PTPN9: variants seen among roughly 807,000 people sequenced by gnomAD.
PTPN9 encodes tyrosine-protein phosphatase non-receptor type 9.
Under a neutral mutation model 69.8 loss-of-function variants are expected in PTPN9, and 26 were observed. The observed-to-expected ratio is 0.37, with a 90% CI of 0.27 to 0.52. The LOEUF is 0.52. Ranked by LOEUF, PTPN9 falls within the 20% of genes least tolerant of loss-of-function variation. The pLI, the probability that PTPN9 is intolerant of heterozygous loss-of-function variation, is 0.91. For synonymous variants in PTPN9, 274 were observed against 272.5 expected, an observed-to-expected ratio of 1.01 and a Z score of -0.05; for missense variants, 549 against 740.3, an observed-to-expected ratio of 0.74 and a Z score of 3.00.
At chr15:75,573,117 A>T (rs1456001037) in intron 1 of PTPN9, among the ~76,000 whole-genome samples, 1 of 152,244 alleles carries the variant, frequency 6.6e-6, no homozygotes, top group Non-Finnish European at 1.5e-5. Context: ...AAGAGGAAAC[A>T]CTGGCAGTGA....
Position 75,464,250 on chromosome 15 carries a change from GC to G in PTPN9, c.*4518del, listed in dbSNP as rs2074527900. On this transcript the variant is annotated 3_prime_UTR_variant, in exon 13 of 13. Coordinates refer to ENST00000618819, the MANE Select transcript of PTPN9 (RefSeq NM_002833.4). Reference sequence around the variant, plus strand: ...TGCTTGAGGCTGGAGTTCGAGACCAGCCTGGGCAACATAGTGAGATCCTGTC... The same window carrying G: ...TGCTTGAGGCTGGAGTTCGAGACCAGCTGGGCAACATAGTGAGATCCTGTC... 1 of 152,128 alleles carries G rather than the reference GC, an allele frequency of 6.6e-6. No individual in the cohort carries two copies. The highest frequency in any genetic ancestry group is 2.4e-5 in the African/African-American group (1 of 41,170). The allele number at this position is 152,128 out of a possible 1,614,324, so 9.4% of individuals were successfully genotyped here.
intron 1 of PTPN9, among the ~76,000 whole-genome samples, chr15:75,534,447 G>A (rs1176405565): frequency 6.6e-6 from 1 of 152,142 alleles, no homozygotes; most frequent in African/African-American, 2.4e-5. Flanking sequence ...GCCAAGGTGG[G>A]AAGACTGCTT....
intron 5 of PTPN9, 66 bp from the exon 6 acceptor site, chr15:75,509,093 G>A (rs1394110397): frequency 2.3e-6 from 3 of 1,329,892 alleles, no homozygotes; most frequent in African/African-American, 2.9e-5. Context: ...CCAAGTTTAG[G>A]TTTTCTGCTC....
chr15:75,563,289 A>G (rs1018974668), intron 1 of PTPN9, among the ~76,000 whole-genome samples: 2 of 152,076 alleles, frequency 1.3e-5, no homozygotes, highest in African/African-American at 4.8e-5. Context: ...CCCGGGTTCA[A>G]GCAATTCTCC....
intron 8 of PTPN9, chr15:75,487,521 C>T (rs907131197): frequency 2.0e-5 from 3 of 152,120 alleles, no homozygotes; most frequent in Non-Finnish European, 2.9e-5. Context: ...ACAAATATGT[C>T]CTGAGTGTCT....
At chr15:75,553,342 T>C (rs1304263854) in intron 1 of PTPN9, among the ~76,000 whole-genome samples, 1 of 152,138 alleles carries the variant, frequency 6.6e-6, no homozygotes, top group African/African-American at 2.4e-5. Flanking sequence ...TTGGAGACCA[T>C]TACAGAAGCA....
chr15:75,510,122 G>A (rs1203821972), intron 5 of PTPN9, among the ~76,000 whole-genome samples: 1 of 151,666 alleles, frequency 6.6e-6, no homozygotes, highest in Non-Finnish European at 1.5e-5. Flanking sequence ...ATAATCTAAT[G>A]TGCACTATGG....
chr15:75,568,462 C>T (rs1469354078), intron 1 of PTPN9, among the ~76,000 whole-genome samples: 4 of 144,772 alleles, frequency 2.8e-5, no homozygotes, highest in Non-Finnish European at 4.5e-5. Flanking sequence ...AAGCCATGAT[C>T]ATGCCACTGC....
At chr15:75,519,634 A>G (rs1339546791) in intron 4 of PTPN9, among the ~76,000 whole-genome samples, 2 of 150,052 alleles carry the variant, frequency 1.3e-5, no homozygotes, top group Admixed American at 1.3e-4. Context: ...TTATTTCTTT[A>G]CTTATTTTTT....
At position 75,527,212 on chromosome 15, in the gene PTPN9, T is replaced by C. The variant is rs767473464; in HGVS notation, c.113A>G (p.Asn38Ser). 12 of 1,614,138 alleles carry C rather than the reference T, an allele frequency of 7.4e-6. No homozygotes were observed. Among genetic ancestry groups the C allele is most frequent in the Admixed American group, 5.0e-5 (3 of 60,004 alleles). Residue 38 changes from asparagine to serine, a missense_variant, in exon 2 of 13, where the codon AAT (asparagine) becomes AGT (serine). By Grantham distance (46) the Asn-to-Ser change is conservative. Coordinates refer to ENST00000618819, the MANE Select transcript of PTPN9 (RefSeq NM_002833.4). ...CACATTCCAAGACAGCGGGGAAACATTGTACTGAACTGTCCACTTGTTAAT... is the reference window on the plus strand; with the variant it reads ...CACATTCCAAGACAGCGGGGAAACACTGTACTGAACTGTCCACTTGTTAAT... ...EEINKWTVQY[N>S]VSPLSWNVAV...
chr15:75,473,591 A>G, intron 10 of PTPN9, 98 bp downstream of exon 10: 1 of 1,083,224 alleles, frequency 9.2e-7, no homozygotes, highest in Non-Finnish European at 1.4e-6. Context: ...TGCCAGGCTG[A>G]CCCTCATTAT....
chr15:75,559,625 CAAACACTGCGG>C (rs2075094763), intron 1 of PTPN9, among the ~76,000 whole-genome samples: 1 of 152,118 alleles, frequency 6.6e-6, no homozygotes, highest in South Asian at 2.1e-4. Context: ...CCCAGGGACA[CAAACACTGCGG>C]AAGGCCGCAG....
At chr15:75,509,841 G>A (rs1205675481) in intron 5 of PTPN9, among the ~76,000 whole-genome samples, 6 of 151,974 alleles carry the variant, frequency 3.9e-5, no homozygotes, top group East Asian at 1.9e-4. Context: ...AAGATTAGCC[G>A]GGCATGGTGG....
intron 1 of PTPN9, 56 bp from the exon 2 acceptor site, chr15:75,527,317 C>A: frequency 1.3e-6 from 2 of 1,581,232 alleles, no homozygotes; most frequent in South Asian, 1.1e-5. Flanking sequence ...TTTATGGAGT[C>A]AAAAAACAAA....
At chr15:75,530,729 A>AGTATATTATTATATAATATATATAATAG (rs574570957) in intron 1 of PTPN9, among the ~76,000 whole-genome samples, 1 of 24,674 alleles carries the variant, frequency 4.1e-5, no homozygotes, top group Non-Finnish European at 5.6e-5. Flanking sequence ...TATATATAAT[A>AGTATATTATTATATAATATATATAATAG]TATATTATTA....
At position 75,527,038 on chromosome 15, in the gene PTPN9, T is replaced by G. The variant is rs1378997299; in HGVS notation, c.207+80A>C. On this transcript the variant is annotated intron_variant, in intron 2 of 12. Coordinates refer to ENST00000618819, the MANE Select transcript of PTPN9 (RefSeq NM_002833.4). The stretch of plus-strand genomic sequence containing the variant: ...TGAGGAGGAACACTTAGAGAACCAA[T>G]GTGTGTGTCGAGCATGACAGGGACA... The G allele has an allele frequency of 3.3e-6, 5 of 1,515,774 alleles. No homozygotes were observed. The African/African-American group carries it at 4.1e-5, about 12-fold the overall frequency. 93.9% of individuals were successfully genotyped at this position (1,515,774 alleles called of 1,614,324 possible).
At chr15:75,469,633 C>G (rs2074553366) in intron 12 of PTPN9, among the ~76,000 whole-genome samples, 159 bp downstream of exon 12, 1 of 152,252 alleles carries the variant, frequency 6.6e-6, no homozygotes, top group South Asian at 2.1e-4. Context: ...TCACTTGGTC[C>G]ACCAAAAGGA....
chr15:75,567,877 T>C (rs1323038502), intron 1 of PTPN9, among the ~76,000 whole-genome samples: 1 of 151,568 alleles, frequency 6.6e-6, no homozygotes, highest in Non-Finnish European at 1.5e-5. Context: ...GCGCCTGTAG[T>C]CCCAGCTACT....
Position 75,578,847 on chromosome 15 carries a change from C to T in PTPN9, c.-71G>A, listed in dbSNP as rs2075186490. The stretch of plus-strand genomic sequence containing the variant: ...GGGAGCCCGGCGCGCTCGGCCTCCG[C>T]TTCCGCGTCCCCGCGCCTCAGCAGC... On this transcript the variant is annotated 5_prime_UTR_variant, in exon 1 of 13. Transcript: ENST00000618819. The T allele has an allele frequency of 9.5e-7, 1 of 1,056,834 alleles. No individual in the cohort carries two copies. Among genetic ancestry groups the T allele is most frequent in the Non-Finnish European group, 1.2e-6 (1 of 841,812 alleles). The allele number at this position is 1,056,834 out of a possible 1,614,324, so 65.5% of individuals were successfully genotyped here.
Sources: gnomAD v4.1 joint callset for allele counts (sites outside exome capture counted in the v4.1 genomes callset) on GRCh38, gnomAD v4.1.1 for gene constraint, MANE v1.5 for transcripts, NCBI Gene and HGNC (gene_info 2026-07-23, HGNC 2026-07-21) for gene names.